The following EPHB1 variants were observed in gnomAD, a reference collection of about 807,000 sequenced individuals.
The protein encoded by EPHB1 is ephrin type-B receptor 1.
In EPHB1, 30 loss-of-function variants were observed where a neutral mutation model predicts 94.4. The ratio of observed to expected loss-of-function variants is 0.32; its 90% CI spans 0.24 to 0.43. EPHB1 has a LOEUF of 0.43. Ranked by LOEUF, EPHB1 falls within the 20% of genes least tolerant of loss-of-function variation. The pLI is 1.00. For synonymous variants in EPHB1, 522 were observed against 489.1 expected, an observed-to-expected ratio of 1.07 and a Z score of -0.89; for missense variants, 1,055 against 1,308.3, an observed-to-expected ratio of 0.81 and a Z score of 2.99.
intron 1 of EPHB1, 74 bp from the exon 2 acceptor site, chr3:134,925,742 C>A: frequency 7.8e-7 from 1 of 1,283,572 alleles, no homozygotes; most frequent in Non-Finnish European, 1.1e-6. Context: ...AACTTCGTGA[C>A]CTTGAGGGCC....
intron 3 of EPHB1, among the ~76,000 whole-genome samples, chr3:135,066,705 G>A (rs1481593574): frequency 6.6e-6 from 1 of 152,002 alleles, no homozygotes. Flanking sequence ...AGGTAAATCA[G>A]GGATTTCTTC....
intron 5 of EPHB1, among the ~76,000 whole-genome samples, chr3:135,134,196 C>A (rs1368438521): frequency 6.6e-6 from 1 of 152,192 alleles, no homozygotes; most frequent in African/African-American, 2.4e-5. Flanking sequence ...AGATTTTTCT[C>A]AATTAACAAA....
intron 3 of EPHB1, among the ~76,000 whole-genome samples, chr3:135,099,099 A>G (rs1350423127): frequency 9.4e-6 from 1 of 106,120 alleles, no homozygotes; most frequent in Non-Finnish European, 2.1e-5. Context: ...TTAATATCAT[A>G]TTTGTTGTTG....
chr3:135,215,406 G>A (rs533510548), intron 12 of EPHB1, among the ~76,000 whole-genome samples: 1 of 152,082 alleles, frequency 6.6e-6, no homozygotes, highest in South Asian at 2.1e-4. Flanking sequence ...CAGGTAATCC[G>A]CCTGCCTTAG....
At chr3:135,242,852 T>C (rs772626071) in intron 13 of EPHB1, among the ~76,000 whole-genome samples, 3 of 151,786 alleles carry the variant, frequency 2.0e-5, no homozygotes, top group Non-Finnish European at 4.4e-5. Context: ...TGGAGGCAGG[T>C]GGATTGCTTG....
intron 10 of EPHB1, among the ~76,000 whole-genome samples, chr3:135,186,130 C>A (rs932339504): frequency 1.1e-4 from 17 of 152,168 alleles, no homozygotes; most frequent in South Asian, 2.1e-4. Context: ...GATATATACA[C>A]TCATATGTGA....
chr3:135,109,038 G>A (rs1331010801), intron 4 of EPHB1, among the ~76,000 whole-genome samples: 1 of 152,182 alleles, frequency 6.6e-6, no homozygotes, highest in Non-Finnish European at 1.5e-5. Flanking sequence ...CAGCAGGGAG[G>A]GGTTGCGAAG....
Position 135,249,417 on chromosome 3 carries a change from A to G in EPHB1, c.2772A>G (p.Lys924=). ...TTVDDWLSAI[K]MVQYRDSFLT... is the part of the protein sequence containing the mutation. ...TGGATGACTGGCTCAGCGCCATCAA[A>G]ATGGTCCAGTACAGGGACAGCTTCC... Residue 924 remains lysine, a synonymous_variant, in exon 15 of 16, where the codon AAA becomes AAG. Coordinates refer to ENST00000398015, the MANE Select transcript of EPHB1 (RefSeq NM_004441.5). 6.2e-7 allele frequency: 1 copy of G among 1,613,956 alleles called. No individual in the cohort carries two copies. Among genetic ancestry groups the G allele is most frequent in the Non-Finnish European group, 8.5e-7 (1 of 1,179,886 alleles).
At chr3:134,896,511 G>A (rs1349389703) in intron 1 of EPHB1, among the ~76,000 whole-genome samples, 2 of 152,206 alleles carry the variant, frequency 1.3e-5, no homozygotes, top group African/African-American at 4.8e-5. Flanking sequence ...TTCAGACAGT[G>A]ATTATTTCCA....
At chr3:134,872,718 T>C (rs1214533183) in intron 1 of EPHB1, among the ~76,000 whole-genome samples, 2 of 152,226 alleles carry the variant, frequency 1.3e-5, no homozygotes, top group African/African-American at 2.4e-5. Context: ...TAAATTATAA[T>C]GAAGGGTGAA....
At chr3:134,912,572 A>G (rs1236181165) in intron 1 of EPHB1, among the ~76,000 whole-genome samples, 1 of 152,136 alleles carries the variant, frequency 6.6e-6, no homozygotes, top group Non-Finnish European at 1.5e-5. Context: ...GCAGAAGGGT[A>G]TGCTCTGTGT....
At chr3:134,827,001 C>T (rs1413674324) in intron 1 of EPHB1, among the ~76,000 whole-genome samples, 1 of 152,208 alleles carries the variant, frequency 6.6e-6, no homozygotes, top group African/African-American at 2.4e-5. Context: ...TGGCCCCATC[C>T]TGCCTGTACA....
chr3:134,823,249 C>A lies in EPHB1; in HGVS notation c.58+27560C>A, dbSNP rs546364215. Among the ~76,000 whole-genome samples, 4 of 152,276 alleles carry A rather than the reference C, an allele frequency of 2.6e-5. No homozygotes were observed. In the East Asian group the frequency reaches 7.7e-4, roughly 29 times the overall value. On this transcript the variant is annotated intron_variant, in intron 1 of 15. Coordinates refer to ENST00000398015, the MANE Select transcript of EPHB1 (RefSeq NM_004441.5). The stretch of plus-strand genomic sequence containing the variant: ...GGAGAAAGTCAGTTCAGAGAGAAGC[C>A]CTTTCTAGGTAGAACTAGCTTAGCT...
chr3:134,884,797 A>G (rs1220169019), intron 1 of EPHB1, among the ~76,000 whole-genome samples: 1 of 152,202 alleles, frequency 6.6e-6, no homozygotes, highest in Non-Finnish European at 1.5e-5. Context: ...GTGTGTGGGC[A>G]CAAGGGAGGC....
chr3:134,992,995 C>T (rs912877355), intron 3 of EPHB1, among the ~76,000 whole-genome samples: 2 of 152,172 alleles, frequency 1.3e-5, no homozygotes, highest in African/African-American at 4.8e-5. Flanking sequence ...CAGCCCTGGC[C>T]CATCCTCATG....
intron 3 of EPHB1, among the ~76,000 whole-genome samples, chr3:135,040,900 C>T (rs1283168878): frequency 6.6e-6 from 1 of 152,222 alleles, no homozygotes; most frequent in African/African-American, 2.4e-5. Context: ...AACAATTTTA[C>T]ATCTATAATT....
chr3:135,182,445 ACTT>A (rs1408524961), intron 10 of EPHB1, among the ~76,000 whole-genome samples: 3 of 152,070 alleles, frequency 2.0e-5, no homozygotes, highest in Non-Finnish European at 2.9e-5. Flanking sequence ...TTTACTGAAT[ACTT>A]CTTATATGCT....
At chr3:135,044,501 G>T (rs1310429804) in intron 3 of EPHB1, among the ~76,000 whole-genome samples, 2 of 152,202 alleles carry the variant, frequency 1.3e-5, no homozygotes, top group Non-Finnish European at 1.5e-5. Flanking sequence ...TTCATGGTCA[G>T]CCAGAACCAG....
chr3:135,098,500 T>A (rs1002788592), intron 3 of EPHB1, among the ~76,000 whole-genome samples: 1 of 152,196 alleles, frequency 6.6e-6, no homozygotes, highest in African/African-American at 2.4e-5. Context: ...TACCTTATCA[T>A]CAGACTTTTA....
Sources: gnomAD v4.1 joint callset for allele counts (sites outside exome capture counted in the v4.1 genomes callset) on GRCh38, gnomAD v4.1.1 for gene constraint, MANE v1.5 for transcripts, NCBI Gene and HGNC (gene_info 2026-07-23, HGNC 2026-07-21) for gene names.